The following VAPB variants were observed in gnomAD, a reference collection of about 807,000 sequenced individuals.
The protein encoded by VAPB is vesicle-associated membrane protein-associated protein B/C.
VAPB carries 7 observed loss-of-function variants against 25.6 expected under a neutral mutation model. The observed-to-expected ratio is 0.27, with a 90% CI of 0.16 to 0.51. The LOEUF (loss-of-function observed/expected upper bound fraction) is 0.51. Among genes scored for constraint, VAPB ranks in the 20% least tolerant of loss-of-function variants. The pLI, the probability that VAPB is intolerant of heterozygous loss-of-function variation, is 0.97. For missense variants in VAPB, 266 were observed against 301.3 expected, an observed-to-expected ratio of 0.88 and a Z score of 0.87; for synonymous variants, 112 against 109.2, an observed-to-expected ratio of 1.03 and a Z score of -0.16.
rs148908530 is a variant in VAPB at position 58,442,491 on chromosome 20, G to A, written c.573+1408G>A. ...TTAAGCCAGTCGGACACCACCAGTT[G>A]TTTATCACTGTGCAGTGATACGGGC... On this transcript the variant is annotated intron_variant, in intron 5 of 5. Transcript: ENST00000475243. Among the ~76,000 whole-genome samples, 11 of 152,166 alleles carry A rather than the reference G, an allele frequency of 7.2e-5. No individual in the cohort carries two copies. In the East Asian group the frequency reaches 1.9e-3, roughly 27 times the overall value.
Position 58,449,855 on chromosome 20 carries a change from C to T in VAPB, c.*5620C>T, listed in dbSNP as rs1182740827. On this transcript the variant is annotated 3_prime_UTR_variant, in exon 6 of 6. Coordinates refer to ENST00000475243, the MANE Select transcript of VAPB (RefSeq NM_004738.5). ...GATGAGCTGCAGGAGTGCGCCTGGC[C>T]TTCTGCAGGTGGAGCTGCTGTCAGA... 2.2e-6 allele frequency: 1 copy of T among 453,976 alleles called. No homozygotes were observed. The highest frequency in any genetic ancestry group is 2.0e-5 in the African/African-American group (1 of 50,006). The allele number at this position is 453,976 out of a possible 1,614,324, so 28.1% of individuals were successfully genotyped here.
Position 58,430,550 on chromosome 20 carries a change from G to C in VAPB, c.212-4052G>C, listed in dbSNP as rs557270476. On this transcript the variant is annotated intron_variant, in intron 2 of 5. Coordinates refer to ENST00000475243, the MANE Select transcript of VAPB (RefSeq NM_004738.5). ...TCTGGGATTACAGCCATGAGCTGCT[G>C]TGCCTGGCCTGCAAATTTCATTTTT... 3.3e-5 allele frequency among the ~76,000 whole-genome samples: 5 copies of C among 151,962 alleles called. No homozygotes were observed. In the East Asian group the frequency reaches 9.7e-4, roughly 30 times the overall value.
intron 1 of VAPB, among the ~76,000 whole-genome samples, chr20:58,402,904 C>CT (rs1988134015): frequency 1.3e-5 from 2 of 152,158 alleles, no homozygotes; most frequent in African/African-American, 4.8e-5. Context: ...ACTCGGGAGG[C>CT]TGAGGCATGA....
At chr20:58,434,477 G>T (rs1988995155) in intron 2 of VAPB, 125 bp from the exon 3 acceptor site, 3 of 686,812 alleles carry the variant, frequency 4.4e-6, no homozygotes, top group Non-Finnish European at 2.7e-6. Flanking sequence ...TTCACCAGGG[G>T]CGTCCATCCT....
chr20:58,399,037 A>G (rs1988031648), intron 1 of VAPB, among the ~76,000 whole-genome samples: 1 of 152,194 alleles, frequency 6.6e-6, no homozygotes, highest in South Asian at 2.1e-4. Context: ...ACAGTGGCTC[A>G]CACCTGTAAT....
At chr20:58,424,073 C>A (rs1051825561) in intron 2 of VAPB, among the ~76,000 whole-genome samples, 3 of 152,174 alleles carry the variant, frequency 2.0e-5, no homozygotes. Flanking sequence ...AGAGGACTTA[C>A]ACATTTTGTC....
At chr20:58,430,250 C>T (rs1600808983) in intron 2 of VAPB, among the ~76,000 whole-genome samples, 1 of 146,158 alleles carries the variant, frequency 6.8e-6, no homozygotes. Context: ...GCCAATTTTT[C>T]TTTTTTTTTT....
At chr20:58,439,131 A>G in intron 4 of VAPB, 106 bp downstream of exon 4, 4 of 1,080,794 alleles carry the variant, frequency 3.7e-6, no homozygotes, top group Admixed American at 3.8e-5. Flanking sequence ...ATTTTCCTTT[A>G]TCTGATGTCT....
intron 1 of VAPB, among the ~76,000 whole-genome samples, chr20:58,401,882 G>A (rs1280200589): frequency 6.6e-6 from 1 of 152,042 alleles, no homozygotes; most frequent in Non-Finnish European, 1.5e-5. Flanking sequence ...TGTCTCATTG[G>A]ATGGTACCTA....
chr20:58,447,129 G>T lies in VAPB; in HGVS notation c.*2894G>T, dbSNP rs1339697406. 1 of 454,002 alleles carries T rather than the reference G, an allele frequency of 2.2e-6. No individual in the cohort carries two copies. The highest frequency in any genetic ancestry group is 2.0e-5 in the African/African-American group (1 of 50,010). The allele number at this position is 454,002 out of a possible 1,614,324, so 28.1% of individuals were successfully genotyped here. On this transcript the variant is annotated 3_prime_UTR_variant, in exon 6 of 6. Coordinates refer to ENST00000475243, the MANE Select transcript of VAPB (RefSeq NM_004738.5). The stretch of plus-strand genomic sequence containing the variant: ...GCTCCACAGCACCTCAGAGAGGGCG[G>T]CCCTGGCTTCAGAAATGCCAGCCAT...
chr20:58,414,792 G>A (rs1230847417), intron 1 of VAPB, among the ~76,000 whole-genome samples: 1 of 152,222 alleles, frequency 6.6e-6, no homozygotes, highest in African/African-American at 2.4e-5. Context: ...GGGTGGCCAG[G>A]CAGAGACGCT....
At chr20:58,430,043 TAA>T (rs370143812) in intron 2 of VAPB, among the ~76,000 whole-genome samples, 1 of 142,908 alleles carries the variant, frequency 7.0e-6, no homozygotes. Flanking sequence ...CCTCATCTCT[TAA>T]AAAAAAAAAA....
chr20:58,403,941 C>T (rs1988160729), intron 1 of VAPB, among the ~76,000 whole-genome samples: 2 of 152,300 alleles, frequency 1.3e-5, no homozygotes, highest in African/African-American at 4.8e-5. Context: ...CCCCATTTTC[C>T]GTAACCTTTC....
intron 5 of VAPB, 64 bp from the exon 6 acceptor site, chr20:58,444,013 T>C (rs2123104795): frequency 1.2e-6 from 2 of 1,612,454 alleles, no homozygotes; most frequent in Non-Finnish European, 1.7e-6. Flanking sequence ...CCCGTTAAGC[T>C]GTACAGTTGA....
chr20:58,446,042 G>C lies in VAPB; in HGVS notation c.*1807G>C, dbSNP rs922491840. 1.1e-5 allele frequency: 5 copies of C among 453,940 alleles called. No individual in the cohort carries two copies. Among genetic ancestry groups the C allele is most frequent in the Non-Finnish European group, 2.2e-5 (5 of 226,798 alleles). 28.1% of individuals were successfully genotyped at this position (453,940 alleles called of 1,614,324 possible). On this transcript the variant is annotated 3_prime_UTR_variant, in exon 6 of 6. Coordinates refer to ENST00000475243, the MANE Select transcript of VAPB (RefSeq NM_004738.5). ...CTGGAGAAGTGGAAGTCTATGGTTGGTCTGAGTAAGTAACTTCCTGTCTTC... is the reference window on the plus strand; with the variant it reads ...CTGGAGAAGTGGAAGTCTATGGTTGCTCTGAGTAAGTAACTTCCTGTCTTC...
intron 2 of VAPB, among the ~76,000 whole-genome samples, chr20:58,419,208 C>G (rs892786747): frequency 4.6e-5 from 7 of 152,178 alleles, no homozygotes; most frequent in African/African-American, 1.7e-4. Context: ...ATCTCTCTGG[C>G]TTTTTCCATG....
chr20:58,395,152 C>CTTTT (rs397865707), intron 1 of VAPB, among the ~76,000 whole-genome samples: 2 of 128,566 alleles, frequency 1.6e-5, no homozygotes, highest in African/African-American at 3.0e-5. Flanking sequence ...CCAAAAGTGT[C>CTTTT]TTTTTTTTTT....
intron 1 of VAPB, among the ~76,000 whole-genome samples, 162 bp from the exon 2 acceptor site, chr20:58,418,049 G>A (rs1436404438): frequency 6.6e-6 from 1 of 152,194 alleles, no homozygotes; most frequent in Non-Finnish European, 1.5e-5. Context: ...AGACGTTACT[G>A]CTAGTGCATT....
intron 2 of VAPB, among the ~76,000 whole-genome samples, chr20:58,429,263 T>C (rs987968605): frequency 6.6e-6 from 1 of 152,182 alleles, no homozygotes; most frequent in African/African-American, 2.4e-5. Flanking sequence ...TTATTCCCAA[T>C]TGAAAAGTTT....
Sources: gnomAD v4.1 joint callset for allele counts (sites outside exome capture counted in the v4.1 genomes callset) on GRCh38, gnomAD v4.1.1 for gene constraint, MANE v1.5 for transcripts, NCBI Gene and HGNC (gene_info 2026-07-23, HGNC 2026-07-21) for gene names.